PVR: variants seen among roughly 807,000 people sequenced by gnomAD.
PVR encodes poliovirus receptor.
Under a neutral mutation model 43.3 loss-of-function variants are expected in PVR, and 39 were observed. The observed-to-expected ratio is 0.90, with a 90% CI of 0.70 to 1.18. The LOEUF is 1.18. Among genes scored for constraint, PVR ranks in the 50% most tolerant of loss-of-function variants. PVR has a pLI of 0.00. For synonymous variants in PVR, 224 were observed against 233.2 expected (o/e 0.96, Z 0.36); for missense variants, 480 against 549.7 (o/e 0.87, Z 1.27).
At chr19:44,647,627 A>C in intron 2 of PVR, 57 bp downstream of exon 2, 2 of 1,437,794 alleles carry the variant, frequency 1.4e-6, no homozygotes, top group Non-Finnish European at 1.9e-6. Flanking sequence ...TGGGAGGATC[A>C]GGGAAGTTGG....
At chr19:44,647,857 A>T (rs1467168323) in intron 2 of PVR, among the ~76,000 whole-genome samples, 2 of 151,128 alleles carry the variant, frequency 1.3e-5, no homozygotes, top group Non-Finnish European at 3.0e-5. Context: ...TTGGAAAGGG[A>T]GCTGGGAGGG....
At chr19:44,659,769 A>G (rs1228027658) in intron 6 of PVR, among the ~76,000 whole-genome samples, 1 of 152,192 alleles carries the variant, frequency 6.6e-6, no homozygotes, top group African/African-American at 2.4e-5. Flanking sequence ...GGCATGAGCC[A>G]CCACACCTGG....
chr19:44,647,006 C>T (rs1211293103), intron 1 of PVR, among the ~76,000 whole-genome samples: 5 of 152,228 alleles, frequency 3.3e-5, no homozygotes, highest in Admixed American at 1.3e-4. Flanking sequence ...TGAAGGAGCA[C>T]GGCCAAGTTG....
chr19:44,651,321 C>T (rs1973274531), intron 3 of PVR, among the ~76,000 whole-genome samples: 1 of 152,100 alleles, frequency 6.6e-6, no homozygotes, highest in African/African-American at 2.4e-5. Context: ...CTCCTATGAC[C>T]ACTGTCTATG....
chr19:44,657,643 G>A, intron 4 of PVR, 119 bp from the exon 5 acceptor site: 1 of 986,462 alleles, frequency 1.0e-6, no homozygotes, highest in Non-Finnish European at 1.5e-6. Flanking sequence ...GGCCTCCAGA[G>A]TTGCTCTCCG....
chr19:44,644,432 C>T (rs912448100), intron 1 of PVR, among the ~76,000 whole-genome samples: 11 of 152,146 alleles, frequency 7.2e-5, no homozygotes, highest in African/African-American at 2.4e-4. Context: ...GGCACAAGAC[C>T]CTCCTCTGGG....
At chr19:44,654,062 C>T (rs778978688) in intron 4 of PVR, 45 bp downstream of exon 4, 2 of 1,484,620 alleles carry the variant, frequency 1.3e-6, no homozygotes, top group African/African-American at 2.8e-5. Flanking sequence ...GTCTGGATTT[C>T]TAGCACTGAG....
At position 44,649,959 on chromosome 19, in the gene PVR, C is replaced by G. The variant is rs1252220277; in HGVS notation, c.578C>G (p.Pro193Arg). The G allele has an allele frequency of 6.2e-7, 1 of 1,609,014 alleles. No individual in the cohort carries two copies. The highest frequency in any genetic ancestry group is 8.5e-7 in the Non-Finnish European group (1 of 1,176,734). Residue 193 changes from proline (P) to arginine (R), a missense_variant, in exon 3 of 8, where the codon CCA (proline) becomes CGA (arginine). Pro to Arg is a moderately radical substitution (Grantham distance 103). Coordinates refer to ENST00000425690, the MANE Select transcript of PVR (RefSeq NM_006505.5). Reference sequence around the variant, plus strand: ...GGGATGCCCAATACGAGCCAGGTGCCAGGGTTCCTGTCTGGCACAGTCACT... The same window carrying G: ...GGGATGCCCAATACGAGCCAGGTGCGAGGGTTCCTGTCTGGCACAGTCACT... The part of the protein sequence containing the change: ...LGGMPNTSQV[P>R]GFLSGTVTVT...
rs1426061921 is a variant in PVR, at chr19:44,651,894, G to A, written c.724+1789G>A. Among the ~76,000 whole-genome samples, 12 of 152,184 alleles carry A rather than the reference G, an allele frequency of 7.9e-5. No individual in the cohort carries two copies. In the East Asian group the frequency reaches 1.2e-3, roughly 15 times the overall value. On this transcript the variant is annotated intron_variant, in intron 3 of 7. Coordinates refer to ENST00000425690, the MANE Select transcript of PVR (RefSeq NM_006505.5). ...AAAGAGGCCAGGCACGGTGGCTCAC[G>A]CCTGTAATCCCAGCACTTTGGGAGG...
chr19:44,647,709 G>A lies in PVR; in HGVS notation c.427+139G>A, dbSNP rs114309970. The A allele has an allele frequency of 4.8e-3, 1,563 of 328,536 alleles. 16 individuals carry two copies. The highest frequency in any genetic ancestry group is 0.035 in the African/African-American group (1,449 of 41,278). The allele number at this position is 328,536 out of a possible 1,614,324, so 20.4% of individuals were successfully genotyped here. A position where few individuals can be genotyped will look rare whatever the true frequency, so the allele number is the denominator to read the frequency against. The stretch of plus-strand genomic sequence containing the variant: ...GATCCCCTGGGGACAAAAGGAGGGG[G>A]CAGCGCAATGATGTGGGGTGGGGTG... On this transcript the variant is annotated intron_variant, in intron 2 of 7. Transcript: ENST00000425690.
chr19:44,658,863 C>T lies in PVR; in HGVS notation c.1113C>T (p.Ser371=). 6.2e-7 allele frequency: 1 copy of T among 1,614,086 alleles called. No homozygotes were observed. The highest frequency in any genetic ancestry group is 8.5e-7 in the Non-Finnish European group (1 of 1,180,006). ...TTTATTTCTATTGGTCCAAATGTTC[C>T]CGTGAGGTCCTTTGGCACTGTCATC... The part of the protein sequence containing the change: ...IGIYFYWSKC[S]REVLWHCHLC... The change falls in exon 6 of 8, where the codon TCC becomes TCT. Residue 371 remains serine (S), a synonymous_variant. Transcript: ENST00000425690.
chr19:44,649,442 T>TTTG, intron 2 of PVR, among the ~76,000 whole-genome samples: 1 of 150,396 alleles, frequency 6.6e-6, no homozygotes, highest in South Asian at 2.1e-4. Context: ...TTTTTTTTTT[T>TTTG]TTTTTGAGAC....
At chr19:44,646,473 A>T (rs1973116721) in intron 1 of PVR, among the ~76,000 whole-genome samples, 1 of 152,162 alleles carries the variant, frequency 6.6e-6, no homozygotes, top group Non-Finnish European at 1.5e-5. Context: ...GGTGCGATGA[A>T]AAAGTTCTGG....
chr19:44,652,422 C>T (rs1254853234), intron 3 of PVR, among the ~76,000 whole-genome samples: 1 of 152,122 alleles, frequency 6.6e-6, no homozygotes, highest in African/African-American at 2.4e-5. Context: ...CTTGCTCTGT[C>T]ACCCAGGCTA....
At chr19:44,649,233 C>T (rs1301474996) in intron 2 of PVR, among the ~76,000 whole-genome samples, 1 of 152,116 alleles carries the variant, frequency 6.6e-6, no homozygotes, top group Non-Finnish European at 1.5e-5. Context: ...TGCTGGGCTC[C>T]AGCACTTTCC....
chr19:44,658,560 T>C (rs957694303), intron 5 of PVR, among the ~76,000 whole-genome samples, 182 bp from the exon 6 acceptor site: 28 of 152,186 alleles, frequency 1.8e-4, no homozygotes, highest in African/African-American at 6.3e-4. Context: ...AATATTCTGA[T>C]TGGCCAGGCC....
chr19:44,646,754 G>C (rs1443159598), intron 1 of PVR, among the ~76,000 whole-genome samples: 1 of 152,002 alleles, frequency 6.6e-6, no homozygotes, highest in African/African-American at 2.4e-5. Flanking sequence ...CTGGGCGACA[G>C]AGAGAGACTC....
Position 44,661,608 on chromosome 19 carries a change from A to C in PVR, c.1183-132A>C, listed in dbSNP as rs905298657. ...ATTCCACCCATGGCCACACCTTGAG[A>C]AGCACTGCCCTGGCTTCCAGGGAGA... On this transcript the variant is annotated intron_variant, in intron 7 of 7. Transcript: ENST00000425690. The C allele has an allele frequency of 9.7e-6, 8 of 821,128 alleles. No individual in the cohort carries two copies. The South Asian group carries it at 1.1e-4, about 11-fold the overall frequency. The allele number at this position is 821,128 out of a possible 1,614,324, so 50.9% of individuals were successfully genotyped here.
chr19:44,649,451 A>G (rs203701), intron 2 of PVR, among the ~76,000 whole-genome samples: 26,390 of 133,406 alleles, frequency 0.2, 2,793 homozygotes, highest in East Asian at 0.26. Flanking sequence ...TTTTTTTGAG[A>G]CAGAATCTCA....
Sources: allele counts gnomAD v4.1 joint callset (sites outside exome capture counted in the v4.1 genomes callset), GRCh38; gene constraint gnomAD v4.1.1; transcripts MANE v1.5; gene names NCBI Gene and HGNC (gene_info 2026-07-23, HGNC 2026-07-21).